FGF12: variants seen among roughly 807,000 people sequenced by gnomAD.
FGF12 encodes fibroblast growth factor 12, also known as fibroblast growth factor 12B.
Under a neutral mutation model 23.6 loss-of-function variants are expected in FGF12, and 14 were observed. The observed-to-expected ratio is 0.59, with a 90% CI of 0.39 to 0.93. FGF12 has a LOEUF of 0.93. Ranked by LOEUF, FGF12 falls within the 40% of genes least tolerant of loss-of-function variation. FGF12 has a pLI of 0.00. For missense variants in FGF12, 175 were observed against 217.8 expected, an observed-to-expected ratio of 0.80 and a Z score of 1.24; for synonymous variants, 62 against 77.3, an observed-to-expected ratio of 0.80 and a Z score of 1.04.
chr3:192,316,637 T>G (rs930503220), intron 4 of FGF12, among the ~76,000 whole-genome samples: 1 of 152,146 alleles, frequency 6.6e-6, no homozygotes, highest in Non-Finnish European at 1.5e-5. Context: ...GCCTTGCCAC[T>G]GAGGTCCTAA....
chr3:192,141,154 A>AAAAAAAAAT lies in FGF12; in HGVS notation c.*2854_*2855insATTTTTTTT, dbSNP rs1553840885. On this transcript the variant is annotated 3_prime_UTR_variant, in exon 6 of 6. Coordinates refer to ENST00000445105, the MANE Select transcript of FGF12 (RefSeq NM_004113.6). The stretch of plus-strand genomic sequence containing the variant: ...AAAAAAAAAAAAAAAAAAAAAAAAA[A>AAAAAAAAAT]GCTTATTTTACTTAAAAAGGAAAAG... The AAAAAAAAAT allele has an allele frequency of 7.3e-6, 1 of 136,608 alleles. No individual in the cohort carries two copies. The allele number at this position is 136,608 out of a possible 1,614,324, so 8.5% of individuals were successfully genotyped here.
At chr3:192,144,724 A>G (rs1349929553) in intron 5 of FGF12, among the ~76,000 whole-genome samples, 1 of 152,244 alleles carries the variant, frequency 6.6e-6, no homozygotes, top group African/African-American at 2.4e-5. Context: ...TGATTATGCA[A>G]GCATGAGACT....
intron 2 of FGF12, among the ~76,000 whole-genome samples, chr3:192,699,511 C>A (rs1718228358): frequency 6.6e-6 from 1 of 152,084 alleles, no homozygotes; most frequent in African/African-American, 2.4e-5. Flanking sequence ...AAGAAGAGCA[C>A]AATGATCTAG....
rs751029425 is a variant in FGF12, at chr3:192,673,637, T to C, written c.13+53544A>G. 4.6e-5 allele frequency among the ~76,000 whole-genome samples: 7 copies of C among 151,098 alleles called. 2 individuals carry two copies. Among genetic ancestry groups the C allele is most frequent in the Non-Finnish European group, 1.0e-4 (7 of 67,480 alleles). ...CCCACCTATGAGTGAGAACATGTGA[T>C]GTTTGGCTTTCTGTTCCTGTGATAG... On this transcript the variant is annotated intron_variant, in intron 2 of 5. Transcript: ENST00000445105.
In FGF12 at chr3:192,324,045, T is replaced by C. The variant is rs538099515; in HGVS notation, c.228+11316A>G. On this transcript the variant is annotated intron_variant, in intron 4 of 5. Transcript: ENST00000445105. ...AGGCAGAGGTTGCAGTGAGCCGAGA[T>C]CAAGCCACCGCATGCCAGCCTGGGC... Among the ~76,000 whole-genome samples, 14 of 152,106 alleles carry C rather than the reference T, an allele frequency of 9.2e-5. No homozygotes were observed. The South Asian group carries it at 2.9e-3, about 32-fold the overall frequency.
At chr3:192,502,949 G>A (rs1724175764) in intron 2 of FGF12, among the ~76,000 whole-genome samples, 1 of 152,316 alleles carries the variant, frequency 6.6e-6, no homozygotes, top group Admixed American at 6.5e-5. Flanking sequence ...ATACACTTTT[G>A]TTTTCTGTAG....
At chr3:192,292,947 C>CT (rs1380517637) in intron 4 of FGF12, among the ~76,000 whole-genome samples, 3 of 151,998 alleles carry the variant, frequency 2.0e-5, no homozygotes, top group South Asian at 2.1e-4. Context: ...TCCAGCTAGG[C>CT]TTTTTTTATT....
At chr3:192,488,567 T>C (rs971756848) in intron 2 of FGF12, among the ~76,000 whole-genome samples, 12 of 152,070 alleles carry the variant, frequency 7.9e-5, no homozygotes, top group African/African-American at 2.7e-4. Flanking sequence ...TTCCATTCAA[T>C]ACAGAAAATG....
In FGF12 at chr3:192,408,461, G is replaced by GGGGGC. The variant is rs1721058984; in HGVS notation, c.14-47928_14-47924dup. The GGGGGC allele has an allele frequency of 2.2e-6, 3 of 1,367,250 alleles. No individual in the cohort carries two copies. The highest frequency in any genetic ancestry group is 3.5e-5 in the Admixed American group (1 of 28,760). The allele number at this position is 1,367,250 out of a possible 1,614,324, so 84.7% of individuals were successfully genotyped here. A position where few individuals can be genotyped will look rare whatever the true frequency, so the allele number is the denominator to read the frequency against. ...AAACTTCCCCAACCTCTGGCGGCCG[G>GGGGGC]GGGGCGGGGCGGGGCGGTCCCAGGC... On this transcript the variant is annotated intron_variant, in intron 2 of 5. Coordinates refer to ENST00000445105, the MANE Select transcript of FGF12 (RefSeq NM_004113.6). The surrounding 1 kb of genome is among the most constrained non-coding windows in gnomAD (Gnocchi z 7.3).
At chr3:192,167,119 G>A (rs1001443243) in intron 5 of FGF12, among the ~76,000 whole-genome samples, 2 of 145,072 alleles carry the variant, frequency 1.4e-5, no homozygotes, top group Non-Finnish European at 3.0e-5. Flanking sequence ...TACCCATTGT[G>A]CCATAACCCC....
chr3:192,430,815 A>T (rs1721839154), intron 2 of FGF12, among the ~76,000 whole-genome samples: 1 of 152,034 alleles, frequency 6.6e-6, no homozygotes, highest in Non-Finnish European at 1.5e-5. Flanking sequence ...GAAAGACATG[A>T]CTCCTGTTGA....
At chr3:192,252,755 A>G (rs1712122473) in intron 4 of FGF12, among the ~76,000 whole-genome samples, 1 of 152,044 alleles carries the variant, frequency 6.6e-6, no homozygotes. Flanking sequence ...TAGTCAGGAA[A>G]AATACTCTGA....
intron 4 of FGF12, among the ~76,000 whole-genome samples, chr3:192,208,099 C>T (rs1054231470): frequency 3.9e-5 from 6 of 152,052 alleles, no homozygotes; most frequent in Non-Finnish European, 8.8e-5. Flanking sequence ...TTGATAGAGG[C>T]GGAGAAAGTC....
At chr3:192,358,169 A>T (rs919202844) in intron 3 of FGF12, among the ~76,000 whole-genome samples, 2 of 152,016 alleles carry the variant, frequency 1.3e-5, no homozygotes, top group Admixed American at 6.6e-5. Flanking sequence ...GATATATATG[A>T]GACATACAAA....
intron 2 of FGF12, among the ~76,000 whole-genome samples, chr3:192,717,263 A>G (rs758489890): frequency 1.3e-5 from 2 of 152,154 alleles, no homozygotes; most frequent in African/African-American, 4.8e-5. Context: ...CCAGTCTGCA[A>G]CTTACTAGCT....
At chr3:192,373,295 T>A (rs1198307765) in intron 2 of FGF12, among the ~76,000 whole-genome samples, 1 of 151,938 alleles carries the variant, frequency 6.6e-6, no homozygotes, top group African/African-American at 2.4e-5. Flanking sequence ...CATTTTTTTT[T>A]TTTTTCAGTG....
intron 2 of FGF12, among the ~76,000 whole-genome samples, chr3:192,410,619 C>T (rs1721169923): frequency 6.6e-6 from 1 of 152,176 alleles, no homozygotes; most frequent in African/African-American, 2.4e-5. Flanking sequence ...CCACCTATGG[C>T]TCATTTTGGA....
chr3:192,580,312 C>A (rs1179150774), intron 2 of FGF12, among the ~76,000 whole-genome samples: 1 of 143,116 alleles, frequency 7.0e-6, no homozygotes, highest in African/African-American at 2.6e-5. Flanking sequence ...ATGGAGTCAA[C>A]ATTTCTATTT....
chr3:192,280,110 G>GT (rs943441082), intron 4 of FGF12, among the ~76,000 whole-genome samples: 1 of 152,060 alleles, frequency 6.6e-6, no homozygotes, highest in Admixed American at 6.6e-5. Flanking sequence ...GCCTAAATGT[G>GT]TTTTTTTAAA....
Sources: gnomAD v4.1 joint callset for allele counts (sites outside exome capture counted in the v4.1 genomes callset) on GRCh38, gnomAD v4.1.1 for gene constraint, Gnocchi (gnomAD v3.1) non-coding constraint, MANE v1.5 for transcripts, NCBI Gene and HGNC (gene_info 2026-07-23, HGNC 2026-07-21) for gene names.